The following WDR17 variants were observed in gnomAD, a reference collection of about 807,000 sequenced individuals.
The protein encoded by WDR17 is WD repeat domain 17.
In WDR17, 143 loss-of-function variants were observed where a neutral mutation model predicts 161.7. The ratio of observed to expected loss-of-function variants is 0.88; its 90% CI spans 0.77 to 1.02. The LOEUF (loss-of-function observed/expected upper bound fraction) is 1.02. Among genes scored for constraint, WDR17 ranks in the 50% least tolerant of loss-of-function variants. The probability of loss-of-function intolerance (pLI) is 0.00; values close to 1 mark genes in which losing one functional copy is unlikely to be tolerated. For synonymous variants in WDR17, 517 were observed against 515.6 expected, an observed-to-expected ratio of 1.00 and a Z score of -0.04; for missense variants, 1,469 against 1,520.9, an observed-to-expected ratio of 0.97 and a Z score of 0.57.
intron 1 of WDR17, among the ~76,000 whole-genome samples, chr4:176,095,937 G>T (rs771846096): frequency 1.3e-5 from 2 of 152,064 alleles, no homozygotes; most frequent in African/African-American, 2.4e-5. Flanking sequence ...TGACTCTGTT[G>T]AACGTATTAG....
intron 1 of WDR17, among the ~76,000 whole-genome samples, chr4:176,099,339 G>A (rs984061654): frequency 1.3e-5 from 2 of 152,272 alleles, no homozygotes; most frequent in Middle Eastern, 3.4e-3. Flanking sequence ...CACTGCCAGA[G>A]TAAGAAAATC....
intron 22 of WDR17, among the ~76,000 whole-genome samples, chr4:176,167,644 CAAAAAAAAAAAA>C (rs34187946): frequency 8.4e-5 from 2 of 23,832 alleles, no homozygotes; most frequent in Admixed American, 8.4e-4. Context: ...GACTCCGTCT[CAAAAAAAAAAAA>C]AAAAAAAAAA....
At position 176,149,768 on chromosome 4, in the gene WDR17, A is replaced by ATG. The variant is rs757781179; in HGVS notation, c.1898-37_1898-36dup. 1.2e-4 allele frequency: 185 copies of ATG among 1,597,496 alleles called. 1 individual carries two copies. The East Asian group carries it at 4.1e-3, about 35-fold the overall frequency. ...ACATATAAATAAAAAATATTTTTCAATGTTCACTTTACTTAAAATAGGTTT... is the reference window on the plus strand; with the variant it reads ...ACATATAAATAAAAAATATTTTTCAATGTGTTCACTTTACTTAAAATAGGTTT... On this transcript the variant is annotated intron_variant, in intron 13 of 28. Coordinates refer to ENST00000508596, the MANE Select transcript of WDR17 (RefSeq NM_181265.4).
chr4:176,106,892 A>G (rs998640549), intron 1 of WDR17, among the ~76,000 whole-genome samples: 1 of 152,196 alleles, frequency 6.6e-6, no homozygotes, highest in Non-Finnish European at 1.5e-5. Flanking sequence ...TTGAGGTTGC[A>G]GTGAACTATG....
intron 19 of WDR17, among the ~76,000 whole-genome samples, chr4:176,160,426 A>T (rs1426436870): frequency 6.6e-6 from 1 of 152,132 alleles, no homozygotes; most frequent in Non-Finnish European, 1.5e-5. Flanking sequence ...GGTTTAAGTG[A>T]TTCTCCTGCC....
chr4:176,166,017 A>G (rs773221405), intron 22 of WDR17: 2 of 543,524 alleles, frequency 3.7e-6, no homozygotes, highest in Non-Finnish European at 6.3e-6. Context: ...AGATGTGCAT[A>G]ATTTTTAAGC....
chr4:176,157,252 A>T, intron 18 of WDR17, among the ~76,000 whole-genome samples: 1 of 152,316 alleles, frequency 6.6e-6, no homozygotes, highest in East Asian at 1.9e-4. Flanking sequence ...ATATATTATT[A>T]TGTAATTACC....
At chr4:176,160,193 G>A (rs1748822462) in intron 19 of WDR17, 67 bp downstream of exon 19, 9 of 1,575,786 alleles carry the variant, frequency 5.7e-6, no homozygotes, top group Non-Finnish European at 7.8e-6. Flanking sequence ...AGAAGGTTGT[G>A]TTGACTGGCT....
chr4:176,167,260 A>G (rs1388151266), intron 22 of WDR17, among the ~76,000 whole-genome samples: 1 of 152,182 alleles, frequency 6.6e-6, no homozygotes, highest in Non-Finnish European at 1.5e-5. Flanking sequence ...TTTTACTCCC[A>G]GAGGCCCCAG....
intron 28 of WDR17, 28 bp from the exon 29 acceptor site, chr4:176,179,432 T>C (rs762608211): frequency 7.2e-5 from 107 of 1,484,610 alleles, no homozygotes; most frequent in Non-Finnish European, 9.5e-5. Flanking sequence ...TAATCTCATC[T>C]TCTCTTTCCT....
chr4:176,094,477 T>G (rs1187121876), intron 1 of WDR17, among the ~76,000 whole-genome samples: 1 of 152,176 alleles, frequency 6.6e-6, no homozygotes, highest in Non-Finnish European at 1.5e-5. Context: ...AATTTGAGTC[T>G]TGAAAAACTT....
chr4:176,087,780 A>G (rs1735604537), intron 1 of WDR17, among the ~76,000 whole-genome samples: 1 of 152,084 alleles, frequency 6.6e-6, no homozygotes, highest in Admixed American at 6.6e-5. Flanking sequence ...TCATCCATTG[A>G]GATATAAATT....
chr4:176,140,164 T>C (rs771354293), intron 10 of WDR17, among the ~76,000 whole-genome samples, 190 bp downstream of exon 10: 1 of 152,038 alleles, frequency 6.6e-6, no homozygotes, highest in Non-Finnish European at 1.5e-5. Flanking sequence ...AATGCAAGGG[T>C]ATTTAAAATT....
intron 1 of WDR17, among the ~76,000 whole-genome samples, chr4:176,105,930 C>A (rs368584211): frequency 6.6e-6 from 1 of 151,650 alleles, no homozygotes; most frequent in Non-Finnish European, 1.5e-5. Flanking sequence ...AAACCTGTAG[C>A]TGGATAAACT....
intron 18 of WDR17, 123 bp downstream of exon 18, chr4:176,156,266 A>G: frequency 1.1e-6 from 1 of 899,260 alleles, no homozygotes; most frequent in African/African-American, 1.7e-5. Context: ...AATAACAATT[A>G]AATTTTGTAT....
Position 176,168,432 on chromosome 4 carries a change from T to G in WDR17, c.2991-240T>G, listed in dbSNP as rs180922282. Among the ~76,000 whole-genome samples, 7 of 152,316 alleles carry G rather than the reference T, an allele frequency of 4.6e-5. No individual in the cohort carries two copies. The East Asian group carries it at 1.4e-3, about 29-fold the overall frequency. ...TTAATTATAAGTATGTTAAGACTCA[T>G]GTATGTAAAGTTTAGTTTTTAATAT... On this transcript the variant is annotated intron_variant, in intron 22 of 28. Transcript: ENST00000508596.
rs1751202731 is a variant in WDR17, at chr4:176,174,681, T to A, written c.3412T>A (p.Tyr1138Asn). ...TGCATTACTGGCTATCAGAAGACAG[T>A]ACCAAAGCATTGTTCCAGCACTTTA... The part of the protein sequence containing the change: ...IGALLAIRRQ[Y>N]QSIVPALYEY... The change falls in exon 26 of 29, where the codon TAC becomes AAC. Residue 1138 changes from tyrosine to asparagine, a missense_variant. Physicochemically the swap from Tyr to Asn is moderately radical, Grantham distance 143. Coordinates refer to ENST00000508596, the MANE Select transcript of WDR17 (RefSeq NM_181265.4). 1.2e-6 allele frequency: 2 copies of A among 1,612,072 alleles called. No homozygotes were observed. Among genetic ancestry groups the A allele is most frequent in the Middle Eastern group, 1.7e-4 (1 of 6,054 alleles).
intron 22 of WDR17, among the ~76,000 whole-genome samples, chr4:176,164,557 G>A (rs1749487410): frequency 6.6e-6 from 1 of 152,078 alleles, no homozygotes; most frequent in African/African-American, 2.4e-5. Context: ...TTATGTATAT[G>A]CAAATATTCT....
intron 17 of WDR17, 75 bp from the exon 18 acceptor site, chr4:176,156,003 AT>A (rs1356903568): frequency 4.5e-6 from 6 of 1,325,000 alleles, no homozygotes; most frequent in African/African-American, 1.5e-5. Context: ...ATACCAATCT[AT>A]TTTTTAAGTG....
Sources: allele counts gnomAD v4.1 joint callset (sites outside exome capture counted in the v4.1 genomes callset), GRCh38; gene constraint gnomAD v4.1.1; transcripts MANE v1.5; gene names NCBI Gene and HGNC (gene_info 2026-07-23, HGNC 2026-07-21).